NCL: variants seen among roughly 807,000 people sequenced by gnomAD.
NCL encodes nucleolin multifunctional protein.
NCL carries 4 observed loss-of-function variants against 77.7 expected under a neutral mutation model. That is an observed-to-expected ratio of 0.05 (90% CI 0.03 to 0.12). NCL has a LOEUF of 0.12. Among genes scored for constraint, NCL ranks in the 10% least tolerant of loss-of-function variants. The pLI is 1.00. For missense variants in NCL, 763 were observed against 860.9 expected, an observed-to-expected ratio of 0.89 and a Z score of 1.42; for synonymous variants, 344 against 297.8, an observed-to-expected ratio of 1.16 and a Z score of -1.60.
At chr2:231,457,368 A>T (rs2046901286) in intron 9 of NCL, 1 of 761,180 alleles carries the variant, frequency 1.3e-6, no homozygotes, top group Non-Finnish European at 2.3e-6. Context: ...CTGAGTTCAA[A>T]ACGCACATGG....
intron 11 of NCL, 181 bp from the exon 12 acceptor site, chr2:231,456,317 T>C: frequency 1.1e-6 from 1 of 900,666 alleles, no homozygotes; most frequent in Non-Finnish European, 1.7e-6. Flanking sequence ...ATTTTTTAAT[T>C]GCCATTGCAT....
intron 6 of NCL, 76 bp downstream of exon 6, chr2:231,460,076 T>G: frequency 6.8e-7 from 1 of 1,462,368 alleles, no homozygotes; most frequent in South Asian, 1.3e-5. Flanking sequence ...AGTAGCAGGC[T>G]AAAGTAACTG....
At chr2:231,462,679 A>C in intron 2 of NCL, 2 of 423,420 alleles carry the variant, frequency 4.7e-6, no homozygotes, top group Non-Finnish European at 9.5e-6. Context: ...AGCTGTCTTT[A>C]TAGTGAGCAA....
At chr2:231,463,483 G>C in intron 1 of NCL, 167 bp from the exon 2 acceptor site, 1 of 658,692 alleles carries the variant, frequency 1.5e-6, no homozygotes, top group East Asian at 2.7e-5. Flanking sequence ...ATGCAAGAGG[G>C]ACTACTCTCA....
In NCL at chr2:231,458,309, C is replaced by T. The variant is rs1344345944; in HGVS notation, c.1246G>A (p.Ala416Thr). The T allele has an allele frequency of 6.2e-7, 1 of 1,613,994 alleles. No individual in the cohort carries two copies. The highest frequency in any genetic ancestry group is 2.2e-5 in the East Asian group (1 of 44,892). Residue 416 changes from alanine (A) to threonine (T), a missense_variant, in exon 8 of 14, where the codon GCT becomes ACT. Coordinates refer to ENST00000322723, the MANE Select transcript of NCL (RefSeq NM_005381.3). Reference protein sequence around the residue: ...QDELKEVFEDAAEIRLVSKDG... With the variant: ...QDELKEVFEDTAEIRLVSKDG... ...TTGCTGACTAATCTGATCTCCGCAG[C>T]ATCTTCAAACACTTCTTTCAATTCA...
rs755102944 is a variant in NCL at position 231,456,807 on chromosome 2, A to G, written c.1572-43T>C. On this transcript the variant is annotated intron_variant, in intron 10 of 13. Coordinates refer to ENST00000322723, the MANE Select transcript of NCL (RefSeq NM_005381.3). ...ATGCTTAGAGTAAGTTACCAGGCAC[A>G]TGCTCCTTCACTGTCACATGATGCT... The G allele has an allele frequency of 9.3e-6, 15 of 1,609,794 alleles. No individual in the cohort carries two copies. In the South Asian group the frequency reaches 1.7e-4, roughly 18 times the overall value.
intron 3 of NCL, 69 bp from the exon 4 acceptor site, chr2:231,460,935 A>G: frequency 8.1e-7 from 1 of 1,232,108 alleles, no homozygotes; most frequent in Non-Finnish European, 1.2e-6. Flanking sequence ...AATCTAATGT[A>G]AAGAAAATGC....
rs377225555 is a variant in NCL, at chr2:231,457,261, TTC to T, written c.1448-139_1448-138del. The T allele has an allele frequency of 1.4e-4, 171 of 1,236,294 alleles. No individual in the cohort carries two copies. In the African/African-American group the frequency reaches 2.3e-3, roughly 17 times the overall value. The allele number at this position is 1,236,294 out of a possible 1,614,324, so 76.6% of individuals were successfully genotyped here. A position where few individuals can be genotyped will look rare whatever the true frequency, so the allele number is the denominator to read the frequency against. ...TACTCATGACGTAAGCTAAATCCAT[TTC>T]TGTTACTCAACATATTAAGTACCTA... is the stretch of plus-strand genomic sequence containing the variant. On this transcript the variant is annotated intron_variant, in intron 9 of 13. Coordinates refer to ENST00000322723, the MANE Select transcript of NCL (RefSeq NM_005381.3).
Position 231,455,170 on chromosome 2 carries a change from G to C in NCL, c.*21C>G, listed in dbSNP as rs771125113. ...AGAGTCCTTTCTTTCAAATGGAAAA[G>C]GGAAAGCAGAGGGACAGAAGCTATT... is the stretch of plus-strand genomic sequence containing the variant. On this transcript the variant is annotated 3_prime_UTR_variant, in exon 14 of 14. Coordinates refer to ENST00000322723, the MANE Select transcript of NCL (RefSeq NM_005381.3). The C allele has an allele frequency of 1.9e-6, 3 of 1,613,912 alleles. No individual in the cohort carries two copies. The highest frequency in any genetic ancestry group is 2.5e-6 in the Non-Finnish European group (3 of 1,179,876).
chr2:231,459,446 T>C (rs1194324398), intron 6 of NCL, among the ~76,000 whole-genome samples: 1 of 152,148 alleles, frequency 6.6e-6, no homozygotes, highest in Non-Finnish European at 1.5e-5. Context: ...GTATTCACTA[T>C]GATGACTAGA....
In NCL at chr2:231,454,662, T is replaced by C. The variant is rs1422111309; in HGVS notation, c.*529A>G. On this transcript the variant is annotated 3_prime_UTR_variant, in exon 14 of 14. Coordinates refer to ENST00000322723, the MANE Select transcript of NCL (RefSeq NM_005381.3). ...GAAACACGCACTAAGCCATTTCCATTGGGATGGGTGAAGCAAGTGGCAGAG... is the reference window on the plus strand; with the variant it reads ...GAAACACGCACTAAGCCATTTCCATCGGGATGGGTGAAGCAAGTGGCAGAG... 1.3e-5 allele frequency: 2 copies of C among 154,228 alleles called. No individual in the cohort carries two copies. The highest frequency in any genetic ancestry group is 6.4e-5 in the Admixed American group (1 of 15,742). The allele number at this position is 154,228 out of a possible 1,614,324, so 9.6% of individuals were successfully genotyped here.
At chr2:231,457,176 T>C in intron 9 of NCL, 52 bp from the exon 10 acceptor site, 1 of 1,610,070 alleles carries the variant, frequency 6.2e-7, no homozygotes, top group South Asian at 1.1e-5. Flanking sequence ...GGTTCCCAGC[T>C]TCGGTCACAA....
chr2:231,463,423 T>G, intron 1 of NCL, 107 bp from the exon 2 acceptor site: 1 of 786,518 alleles, frequency 1.3e-6, no homozygotes, highest in South Asian at 1.5e-5. Flanking sequence ...CAGATCCATT[T>G]CTCATAGTGC....
intron 1 of NCL, 157 bp downstream of exon 1, chr2:231,464,179 A>C (rs1335476118): frequency 2.6e-5 from 37 of 1,433,882 alleles, no homozygotes; most frequent in Non-Finnish European, 3.1e-5. Flanking sequence ...AAGTAGCCAG[A>C]AGCCGCGAGA....
chr2:231,464,318 G>T lies in NCL; in HGVS notation c.18+18C>A. ...AAAGCAGGCCTACACGTCTGCGCTC[G>T]CGCTCAAGGCCGTTTACCTTCGCGA... On this transcript the variant is annotated intron_variant, in intron 1 of 13. Coordinates refer to ENST00000322723, the MANE Select transcript of NCL (RefSeq NM_005381.3). 1 of 1,587,130 alleles carries T rather than the reference G, an allele frequency of 6.3e-7. No individual in the cohort carries two copies. Among genetic ancestry groups the T allele is most frequent in the Non-Finnish European group, 8.6e-7 (1 of 1,166,544 alleles).
chr2:231,459,001 C>T lies in NCL; in HGVS notation c.1165G>A (p.Glu389Lys), dbSNP rs754746497. 2 of 1,583,126 alleles carry T rather than the reference C, an allele frequency of 1.3e-6. No homozygotes were observed. Among genetic ancestry groups the T allele is most frequent in the Non-Finnish European group, 1.7e-6 (2 of 1,168,114 alleles). The change falls in exon 7 of 14, where the codon GAG (glutamate) becomes AAG (lysine). Residue 389 changes from glutamate to lysine, a missense_variant and splice_region_variant. By Grantham distance (56) the Glu-to-Lys change is moderately conservative. This residue lies in a region of NCL where 590 missense variants were observed against 570.5 expected (regional missense o/e 1.03). Transcript: ENST00000322723. ...CATAATCTCATAAAGCCTTACATAC[C>T]TTTCTTACTGTCTTTTCCTTTTGGT... ...EKPKGKDSKKERDARTLLAKN... is the reference protein window; with the variant it reads ...EKPKGKDSKKKRDARTLLAKN...
Position 231,461,873 on chromosome 2 carries a change from C to G in NCL, c.280G>C (p.Ala94Pro). The G allele has an allele frequency of 6.2e-7, 1 of 1,614,234 alleles. No homozygotes were observed. Among genetic ancestry groups the G allele is most frequent in the Non-Finnish European group, 8.5e-7 (1 of 1,180,052 alleles). ...TPGKKAAATPAKKTVTPAKAV... is the reference protein window; with the variant it reads ...TPGKKAAATPPKKTVTPAKAV... ...TTGGCTGGTGTAACTGTCTTCTTGG[C>G]AGGTGTTGCTGCTGCCTTTTTGCCT... Residue 94 changes from alanine (A) to proline (P), a missense_variant, in exon 3 of 14, where the codon GCC becomes CCC. Physicochemically the swap from Ala to Pro is conservative, Grantham distance 27. Coordinates refer to ENST00000322723, the MANE Select transcript of NCL (RefSeq NM_005381.3).
At chr2:231,458,582 C>T in intron 7 of NCL, 193 bp from the exon 8 acceptor site, 2 of 692,718 alleles carry the variant, frequency 2.9e-6, no homozygotes, top group Middle Eastern at 4.0e-4. Flanking sequence ...GTTGTCACAG[C>T]TGATGTCAAA....
At chr2:231,460,097 G>A (rs2046931893) in intron 6 of NCL, 55 bp downstream of exon 6, 77 of 1,547,296 alleles carry the variant, frequency 5.0e-5, no homozygotes, top group Non-Finnish European at 6.3e-5. Flanking sequence ...TGCTAACAGG[G>A]GAAGGAAAAG....
Sources: allele counts gnomAD v4.1 joint callset (sites outside exome capture counted in the v4.1 genomes callset), GRCh38; gene constraint gnomAD v4.1.1; regional missense constraint gnomAD v4.1.1; transcripts MANE v1.5; gene names NCBI Gene and HGNC (gene_info 2026-07-23, HGNC 2026-07-21).